The following SHCBP1 variants were observed in gnomAD, a reference collection of about 807,000 sequenced individuals.
SHCBP1 encodes the protein SHC binding and spindle associated 1, also known as SHC SH2 domain-binding protein 1.
SHCBP1 carries 60 observed loss-of-function variants against 75.1 expected under a neutral mutation model. That is an observed-to-expected ratio of 0.80 (90% CI 0.65 to 0.99). The LOEUF (loss-of-function observed/expected upper bound fraction) is 0.99. SHCBP1 is among the 50% of genes least tolerant of loss of function. The probability of loss-of-function intolerance (pLI) is 0.00; values close to 1 mark genes in which losing one functional copy is unlikely to be tolerated. For missense variants in SHCBP1, 709 were observed against 809.4 expected, an observed-to-expected ratio of 0.88 and a Z score of 1.50; for synonymous variants, 290 against 293.2, an observed-to-expected ratio of 0.99 and a Z score of 0.11.
intron 8 of SHCBP1, among the ~76,000 whole-genome samples, chr16:46,602,610 T>G (rs555731539): frequency 6.6e-6 from 1 of 152,288 alleles, no homozygotes; most frequent in African/African-American, 2.4e-5. Flanking sequence ...TCACTCTAAA[T>G]GAACAATAAG....
intron 5 of SHCBP1, among the ~76,000 whole-genome samples, chr16:46,607,910 T>A (rs1965348727): frequency 6.6e-6 from 1 of 152,224 alleles, no homozygotes; most frequent in South Asian, 2.1e-4. Flanking sequence ...ATAATTCAAA[T>A]AATGTCACTG....
Position 46,604,374 on chromosome 16 carries a change from C to T in SHCBP1, c.777G>A (p.Arg259=). The change falls in exon 6 of 13, where the codon AGG becomes AGA. Residue 259 remains arginine (R), a synonymous_variant. Transcript: ENST00000303383. ...AACTGCTTCTCAGATTTAAAAATTT[C>T]CTGTAACTCTCCTCACATTGAGACA... ...NLLSQCEESY[R]KFLNLRSSLS... is the part of the protein sequence containing the mutation. 2 of 1,614,128 alleles carry T rather than the reference C, an allele frequency of 1.2e-6. No homozygotes were observed. The highest frequency in any genetic ancestry group is 1.7e-6 in the Non-Finnish European group (2 of 1,179,988).
chr16:46,609,200 C>A (rs1391305786), intron 4 of SHCBP1, among the ~76,000 whole-genome samples: 1 of 152,058 alleles, frequency 6.6e-6, no homozygotes, highest in Non-Finnish European at 1.5e-5. Flanking sequence ...AAAATTGATT[C>A]CCCTGCAATT....
At chr16:46,604,806 A>T (rs1005229291) in intron 5 of SHCBP1, among the ~76,000 whole-genome samples, 5 of 152,210 alleles carry the variant, frequency 3.3e-5, no homozygotes, top group African/African-American at 1.2e-4. Flanking sequence ...TAGATTCAAA[A>T]GCTTAATAAG....
chr16:46,609,527 C>T lies in SHCBP1; in HGVS notation c.597-1138G>A, dbSNP rs777354933. The stretch of plus-strand genomic sequence containing the variant: ...AGTGCAGTGGCGCCATCTTGGCTCA[C>T]TGCAACCTCTGCCTCCTGGGTTCGA... On this transcript the variant is annotated intron_variant, in intron 4 of 12. Coordinates refer to ENST00000303383, the MANE Select transcript of SHCBP1 (RefSeq NM_024745.5). Among the ~76,000 whole-genome samples, 71 of 130,910 alleles carry T rather than the reference C, an allele frequency of 5.4e-4. 1 individual carries two copies. Among genetic ancestry groups the T allele is most frequent in the Non-Finnish European group, 7.7e-4 (50 of 64,534 alleles). The allele number at this position is 130,910 out of a possible 152,430, so 85.9% of individuals were successfully genotyped here.
chr16:46,595,448 T>G, intron 10 of SHCBP1, 104 bp downstream of exon 10: 1 of 894,708 alleles, frequency 1.1e-6, no homozygotes. Context: ...GAGATGACTG[T>G]CTGAAGAGAG....
In SHCBP1 at chr16:46,603,564, G is replaced by A; in HGVS notation, c.1188C>T (p.Ser396=). 6.2e-7 allele frequency: 1 copy of A among 1,614,138 alleles called. No homozygotes were observed. Among genetic ancestry groups the A allele is most frequent in the Non-Finnish European group, 8.5e-7 (1 of 1,180,014 alleles). The change falls in exon 8 of 13, where the codon TCC becomes TCT. Residue 396 remains serine (S), a synonymous_variant. Coordinates refer to ENST00000303383, the MANE Select transcript of SHCBP1 (RefSeq NM_024745.5). The part of the protein sequence containing the change: ...PGHYVVHGTF[S]IADSIELEGY... Reference sequence around the variant, plus strand: ...CTTCCAACTCAATGGAGTCAGCAATGGAGAAAGTGCCATGTACCACATAAT... The same window carrying A: ...CTTCCAACTCAATGGAGTCAGCAATAGAGAAAGTGCCATGTACCACATAAT...
chr16:46,587,055 T>C (rs1428408772), intron 10 of SHCBP1, among the ~76,000 whole-genome samples: 1 of 152,082 alleles, frequency 6.6e-6, no homozygotes, highest in African/African-American at 2.4e-5. Flanking sequence ...TACAATAAGC[T>C]TTCCTTCTCT....
At chr16:46,620,215 C>T (rs1033174060) in intron 1 of SHCBP1, among the ~76,000 whole-genome samples, 4 of 152,082 alleles carry the variant, frequency 2.6e-5, no homozygotes, top group Non-Finnish European at 4.4e-5. Context: ...ATTTCAAGTA[C>T]AAAATTTGTG....
chr16:46,595,990 G>A (rs1194423178), intron 9 of SHCBP1, among the ~76,000 whole-genome samples: 1 of 151,918 alleles, frequency 6.6e-6, no homozygotes, highest in African/African-American at 2.4e-5. Flanking sequence ...CAAGAAAGGG[G>A]ATACAAAGAT....
chr16:46,619,324 C>G (rs1317083271), intron 1 of SHCBP1, among the ~76,000 whole-genome samples: 2 of 152,188 alleles, frequency 1.3e-5, no homozygotes, highest in Non-Finnish European at 2.9e-5. Flanking sequence ...GGTATCTGAG[C>G]TGTTAGCAGA....
chr16:46,587,085 T>C (rs867896912), intron 10 of SHCBP1, among the ~76,000 whole-genome samples: 3 of 152,306 alleles, frequency 2.0e-5, no homozygotes, highest in Middle Eastern at 3.4e-3. Flanking sequence ...TAAATTATGT[T>C]TGACATTTGA....
chr16:46,612,543 T>C (rs1330495541), intron 4 of SHCBP1, among the ~76,000 whole-genome samples: 2 of 152,088 alleles, frequency 1.3e-5, no homozygotes, highest in African/African-American at 4.8e-5. Flanking sequence ...CTGGCTCCCT[T>C]TTAGCCCTCA....
chr16:46,602,300 G>T (rs774059350), intron 8 of SHCBP1, among the ~76,000 whole-genome samples: 2 of 152,030 alleles, frequency 1.3e-5, no homozygotes, highest in Non-Finnish European at 2.9e-5. Flanking sequence ...GAGTAGAAAA[G>T]AACAAAAATT....
At chr16:46,612,829 T>C (rs1965441657) in intron 4 of SHCBP1, among the ~76,000 whole-genome samples, 1 of 152,222 alleles carries the variant, frequency 6.6e-6, no homozygotes. Flanking sequence ...GTGTTGATTC[T>C]TTCAAGCCAG....
At chr16:46,600,201 C>G (rs1965211435) in intron 8 of SHCBP1, among the ~76,000 whole-genome samples, 1 of 152,152 alleles carries the variant, frequency 6.6e-6, no homozygotes, top group African/African-American at 2.4e-5. Flanking sequence ...ACCCTATCAA[C>G]TATCCCACAT....
intron 10 of SHCBP1, among the ~76,000 whole-genome samples, chr16:46,595,202 T>C (rs1029784138): frequency 1.3e-5 from 2 of 152,176 alleles, no homozygotes; most frequent in Admixed American, 6.5e-5. Context: ...GGTTGTGATG[T>C]TGCACGACAG....
At position 46,604,057 on chromosome 16, in the gene SHCBP1, G is replaced by C; in HGVS notation, c.1010C>G (p.Ser337Cys). 1 of 1,614,188 alleles carries C rather than the reference G, an allele frequency of 6.2e-7. No individual in the cohort carries two copies. Among genetic ancestry groups the C allele is most frequent in the Non-Finnish European group, 8.5e-7 (1 of 1,180,022 alleles). The change falls in exon 7 of 13, where the codon TCC becomes TGC. Residue 337 changes from serine to cysteine, a missense_variant. Coordinates refer to ENST00000303383, the MANE Select transcript of SHCBP1 (RefSeq NM_024745.5). ...CCGCAGGAGACCAGCCATCATGGTG[G>C]AGGAGACCACATGAGTGATCTTCTG... ...SGQKITHVVS[S>C]TMMAGLLRSL... is the part of the protein sequence containing the mutation.
At chr16:46,599,175 T>C (rs1263466535) in intron 9 of SHCBP1, among the ~76,000 whole-genome samples, 2 of 152,224 alleles carry the variant, frequency 1.3e-5, no homozygotes, top group Non-Finnish European at 2.9e-5. Flanking sequence ...TATGAACTTT[T>C]CCTTTACATT....
Sources: allele counts gnomAD v4.1 joint callset (sites outside exome capture counted in the v4.1 genomes callset), GRCh38; gene constraint gnomAD v4.1.1; transcripts MANE v1.5; gene names NCBI Gene and HGNC (gene_info 2026-07-23, HGNC 2026-07-21).